Variants in SLC24A2 observed in about 807,000 individuals in gnomAD.
The protein encoded by SLC24A2 is solute carrier family 24 member 2.
In SLC24A2, 36 loss-of-function variants were observed where a neutral mutation model predicts 62.0. The observed-to-expected ratio is 0.58, with a 90% CI of 0.44 to 0.77. The LOEUF (loss-of-function observed/expected upper bound fraction) is 0.77, where lower values mean the gene tolerates loss of function less well. Among genes scored for constraint, SLC24A2 ranks in the 30% least tolerant of loss-of-function variants. The pLI is 0.00. For synonymous variants in SLC24A2, 358 were observed against 294.0 expected (o/e 1.22, Z -2.23); for missense variants, 846 against 817.9 (o/e 1.03, Z -0.42).
chr9:20,010,476 A>G, the SLC24A2 span, among the ~76,000 whole-genome samples: 2 of 152,232 alleles, frequency 1.3e-5, no homozygotes, highest in Non-Finnish European at 2.9e-5. Context: ...GGAACCATAA[A>G]AAAATATGGA....
the SLC24A2 span, among the ~76,000 whole-genome samples, chr9:20,089,236 G>A: frequency 6.6e-6 from 1 of 152,232 alleles, no homozygotes; most frequent in African/African-American, 2.4e-5. Context: ...CCACCTCATG[G>A]AAAAGTTACC....
chr9:19,653,405 C>G (rs1348685669), intron 2 of SLC24A2, among the ~76,000 whole-genome samples: 2 of 152,172 alleles, frequency 1.3e-5, no homozygotes. Context: ...TGGTGCCTGA[C>G]TCATGATAGG....
the SLC24A2 span, among the ~76,000 whole-genome samples, chr9:20,191,711 T>G: frequency 6.6e-6 from 1 of 150,394 alleles, no homozygotes; most frequent in Non-Finnish European, 1.5e-5. Flanking sequence ...AAGAGTAAAA[T>G]GTGGTGGTAA....
chr9:19,935,417 A>C, the SLC24A2 span, among the ~76,000 whole-genome samples: 50 of 152,018 alleles, frequency 3.3e-4, 1 homozygote, highest in Middle Eastern at 3.4e-3. Context: ...AACAAAAAAA[A>C]CCCAGCACTT....
At chr9:20,109,148 C>G in the SLC24A2 span, among the ~76,000 whole-genome samples, 13 of 152,238 alleles carry the variant, frequency 8.5e-5, no homozygotes, top group African/African-American at 3.1e-4. Context: ...ATACTGTCAT[C>G]TAGGTTTGGG....
At chr9:19,837,249 G>A in the SLC24A2 span, among the ~76,000 whole-genome samples, 4,534 of 150,952 alleles carry the variant, frequency 0.03, 247 homozygotes, top group African/African-American at 0.1. Flanking sequence ...TCAGGAGATC[G>A]AGACCATCCT....
At chr9:19,794,642 G>T in the SLC24A2 span, among the ~76,000 whole-genome samples, 128,860 of 151,602 alleles carry the variant, frequency 0.85, 55,734 homozygotes, top group Middle Eastern at 0.94. Flanking sequence ...GGCAGAAGTG[G>T]GGTCTGTCCA....
chr9:19,979,837 A>G, the SLC24A2 span, among the ~76,000 whole-genome samples: 1 of 152,246 alleles, frequency 6.6e-6, no homozygotes, highest in Non-Finnish European at 1.5e-5. Flanking sequence ...TGTCACTCAC[A>G]ACGCAACTTT....
At chr9:19,849,575 CAT>C in the SLC24A2 span, among the ~76,000 whole-genome samples, 8 of 152,206 alleles carry the variant, frequency 5.3e-5, no homozygotes, top group Non-Finnish European at 8.8e-5. Flanking sequence ...AAAGAAAAGA[CAT>C]ATCTAATTTT....
chr9:19,884,126 C>T, the SLC24A2 span, among the ~76,000 whole-genome samples: 2 of 152,182 alleles, frequency 1.3e-5, no homozygotes, highest in Admixed American at 6.5e-5. Context: ...CACTAATTAT[C>T]CCTCACAACA....
intron 4 of SLC24A2, among the ~76,000 whole-genome samples, chr9:19,603,031 T>G (rs1043607583): frequency 6.6e-6 from 1 of 152,152 alleles, no homozygotes; most frequent in Non-Finnish European, 1.5e-5. Flanking sequence ...TTAAAGATAG[T>G]GAAAAAATAT....
chr9:20,249,401 G>T, the SLC24A2 span, among the ~76,000 whole-genome samples: 2 of 152,034 alleles, frequency 1.3e-5, no homozygotes, highest in African/African-American at 4.8e-5. Context: ...TTGTCATAAG[G>T]ATTAAATGAG....
the SLC24A2 span, among the ~76,000 whole-genome samples, chr9:19,796,185 T>C: frequency 6.6e-6 from 1 of 150,540 alleles, no homozygotes. Flanking sequence ...GACGAGTTAA[T>C]GGGTGCAGCA....
chr9:20,244,404 AG>A, the SLC24A2 span, among the ~76,000 whole-genome samples: 1 of 152,208 alleles, frequency 6.6e-6, no homozygotes, highest in Admixed American at 6.5e-5. Flanking sequence ...GAGGGATAAA[AG>A]AGACCAGATG....
the SLC24A2 span, among the ~76,000 whole-genome samples, chr9:20,246,338 T>C: frequency 6.6e-6 from 1 of 152,190 alleles, no homozygotes; most frequent in Non-Finnish European, 1.5e-5. Context: ...GCTGAACACA[T>C]ACTCTCTAAC....
the SLC24A2 span, among the ~76,000 whole-genome samples, chr9:20,274,727 C>A: frequency 6.6e-6 from 1 of 152,252 alleles, no homozygotes; most frequent in East Asian, 1.9e-4. Flanking sequence ...ACAGAAGAAG[C>A]TTTGTCCCTC....
chr9:20,007,879 C>CTCT, the SLC24A2 span, among the ~76,000 whole-genome samples: 19 of 39,542 alleles, frequency 4.8e-4, no homozygotes, highest in Non-Finnish European at 7.0e-4. Flanking sequence ...TTACTCCTCT[C>CTCT]TTTTTTTTTT....
At chr9:19,846,813 G>C in the SLC24A2 span, among the ~76,000 whole-genome samples, 15 of 151,982 alleles carry the variant, frequency 9.9e-5, no homozygotes, top group Non-Finnish European at 1.8e-4. Flanking sequence ...GATTGCTTGA[G>C]CCCAGTAGTT....
At chr9:20,035,701 A>G in the SLC24A2 span, among the ~76,000 whole-genome samples, 1 of 152,198 alleles carries the variant, frequency 6.6e-6, no homozygotes, top group African/African-American at 2.4e-5. Flanking sequence ...TCCAGGCTGC[A>G]GTGAGCCAGG....
Sources: allele counts gnomAD v4.1 joint callset (sites outside exome capture counted in the v4.1 genomes callset), GRCh38; gene constraint gnomAD v4.1.1; transcripts MANE v1.5; gene names NCBI Gene and HGNC (gene_info 2026-07-23, HGNC 2026-07-21).